Variants in PFKP observed in about 807,000 individuals in gnomAD.
The protein encoded by PFKP is ATP-dependent 6-phosphofructokinase, platelet type.
In PFKP, 101 loss-of-function variants were observed where a neutral mutation model predicts 94.3. The observed-to-expected ratio is 1.07, with a 90% CI of 0.91 to 1.26. The LOEUF (loss-of-function observed/expected upper bound fraction) is 1.26, where lower values mean the gene tolerates loss of function less well. Ranked by LOEUF, PFKP falls within the 50% of genes most tolerant of loss-of-function variation. The pLI is 0.00. For missense variants in PFKP, 1,145 were observed against 1,103.3 expected (o/e 1.04, Z -0.53); for synonymous variants, 573 against 432.6 (o/e 1.32, Z -4.03).
intron 4 of PFKP, among the ~76,000 whole-genome samples, chr10:3,101,990 G>A (rs561578159): frequency 7.3e-5 from 11 of 150,728 alleles, no homozygotes; most frequent in Non-Finnish European, 1.0e-4. Flanking sequence ...GGTGGCTCAC[G>A]CCTGTAATCC....
chr10:3,107,206 C>G lies in PFKP; in HGVS notation c.775-8C>G, dbSNP rs1835720277. The G allele has an allele frequency of 6.4e-7, 1 of 1,556,048 alleles. No homozygotes were observed. Among genetic ancestry groups the G allele is most frequent in the Non-Finnish European group, 8.9e-7 (1 of 1,128,500 alleles). On this transcript the variant is annotated splice_region_variant and splice_polypyrimidine_tract_variant and intron_variant, in intron 7 of 21. Coordinates refer to ENST00000381125, the MANE Select transcript of PFKP (RefSeq NM_002627.5). ...GAATTTGAGAGCTTTAATTTTCTGT[C>G]TCCACAGAACCGTGCCCGGAAAAAA...
chr10:3,093,854 A>G (rs185979978), intron 2 of PFKP, among the ~76,000 whole-genome samples: 23 of 152,238 alleles, frequency 1.5e-4, no homozygotes, highest in East Asian at 5.8e-4. Context: ...CGTGTTAGCC[A>G]GGATGGTCTC....
At position 3,105,146 on chromosome 10, in the gene PFKP, G is replaced by A; in HGVS notation, c.652G>A (p.Gly218Arg). The change falls in exon 6 of 22, where the codon GGA (glycine) becomes AGA (arginine). Residue 218 changes from glycine (G) to arginine (R), a missense_variant. By Grantham distance (125) the Gly-to-Arg change is moderately radical (BLOSUM62 -2). This residue lies in a region of PFKP where 1,119 missense variants were observed against 1,062.8 expected (regional missense o/e 1.05). Coordinates refer to ENST00000381125, the MANE Select transcript of PFKP (RefSeq NM_002627.5). ...HQRTFVLEVM[G>R]RHCGYLALVS... ...GAGGACCTTCGTTCTGGAGGTGATGGGACGACACTGTGGGTACGTACCTGC... is the reference window on the plus strand; with the variant it reads ...GAGGACCTTCGTTCTGGAGGTGATGAGACGACACTGTGGGTACGTACCTGC... The A allele has an allele frequency of 6.2e-7, 1 of 1,613,896 alleles. No homozygotes were observed. Among genetic ancestry groups the A allele is most frequent in the Non-Finnish European group, 8.5e-7 (1 of 1,179,932 alleles).
At chr10:3,088,661 G>C (rs1383916350) in intron 2 of PFKP, among the ~76,000 whole-genome samples, 1 of 151,964 alleles carries the variant, frequency 6.6e-6, no homozygotes, top group Non-Finnish European at 1.5e-5. Flanking sequence ...AATTATTATG[G>C]ATACATAATA....
At chr10:3,113,628 C>T in intron 13 of PFKP, 110 bp downstream of exon 13, 1 of 647,916 alleles carries the variant, frequency 1.5e-6, no homozygotes, top group Non-Finnish European at 2.4e-6. Context: ...ATGCCTCAGT[C>T]CGGGATCCTG....
chr10:3,130,784 T>G (rs1388409767), intron 17 of PFKP, among the ~76,000 whole-genome samples: 1 of 152,030 alleles, frequency 6.6e-6, no homozygotes, highest in East Asian at 1.9e-4. Context: ...GTCTCAAACT[T>G]CTGACCTCGT....
chr10:3,115,383 A>T (rs77979913), intron 13 of PFKP, among the ~76,000 whole-genome samples: 504 of 49,432 alleles, frequency 0.01, 154 homozygotes, highest in South Asian at 0.023. Flanking sequence ...CGCAGCTGAG[A>T]ACAGGACTGG....
At position 3,119,778 on chromosome 10, in the gene PFKP, C is replaced by T. The variant is rs557518213; in HGVS notation, c.1531-114C>T. On this transcript the variant is annotated intron_variant, in intron 15 of 21. Coordinates refer to ENST00000381125, the MANE Select transcript of PFKP (RefSeq NM_002627.5). The stretch of plus-strand genomic sequence containing the variant: ...TTGATCTCGGAGTGTTTTCGTGATG[C>T]CCCAGTGTGCTCCCTGCGTGCTGTG... The T allele has an allele frequency of 1.1e-4, 58 of 538,002 alleles. 1 individual carries two copies. In the African/African-American group the frequency reaches 1.3e-3, roughly 12 times the overall value. The allele number at this position is 538,002 out of a possible 1,614,324, so 33.3% of individuals were successfully genotyped here.
Position 3,134,547 on chromosome 10 carries a change from G to A in PFKP, c.2087G>A (p.Trp696Ter), listed in dbSNP as rs1204373593. The part of the protein sequence containing the change: ...GTKISARAME[W>*]ITAKLKEARG... ...AAAATCTCTGCCAGAGCTATGGAGT[G>A]GATCACTGCAAAACTCAAGGAGGCC... is the stretch of plus-strand genomic sequence containing the variant. Residue 696 changes from tryptophan (W) to a stop codon, truncating the protein, a stop_gained, in exon 20 of 22, where the codon TGG becomes TAG. Coordinates refer to ENST00000381125, the MANE Select transcript of PFKP (RefSeq NM_002627.5). LOFTEE classifies it high-confidence loss of function. The A allele has an allele frequency of 8.1e-6, 13 of 1,613,882 alleles. No homozygotes were observed. The highest frequency in any genetic ancestry group is 1.7e-5 in the Admixed American group (1 of 60,008).
chr10:3,128,368 C>G (rs1360961839), intron 16 of PFKP, among the ~76,000 whole-genome samples: 1 of 152,202 alleles, frequency 6.6e-6, no homozygotes, highest in African/African-American at 2.4e-5. Flanking sequence ...ACAGAGGGAA[C>G]TTTGTGGTCC....
chr10:3,130,365 C>T (rs1838439266), intron 17 of PFKP, among the ~76,000 whole-genome samples: 1 of 152,200 alleles, frequency 6.6e-6, no homozygotes, highest in Non-Finnish European at 1.5e-5. Context: ...GCCCCTGATG[C>T]TGCGTCTGCC....
chr10:3,069,127 C>A, intron 1 of PFKP: 1 of 619,294 alleles, frequency 1.6e-6, no homozygotes, highest in Non-Finnish European at 2.2e-6. Flanking sequence ...GCCCGCAGCG[C>A]AGCCTCCCCA....
chr10:3,108,852 A>C (rs777572951), intron 9 of PFKP, 59 bp downstream of exon 9: 77 of 1,215,122 alleles, frequency 6.3e-5, no homozygotes, highest in Non-Finnish European at 8.7e-5. Context: ...GTTTCTGGAG[A>C]GGCACAGGCA....
intron 16 of PFKP, among the ~76,000 whole-genome samples, chr10:3,126,974 A>C (rs1838021524): frequency 6.6e-6 from 1 of 152,230 alleles, no homozygotes; most frequent in African/African-American, 2.4e-5. Context: ...CAGCCCTGGG[A>C]CACAGCCCTC....
intron 17 of PFKP, among the ~76,000 whole-genome samples, chr10:3,130,900 A>T (rs71502284): frequency 0.24 from 36,372 of 151,842 alleles, 4,392 homozygotes; most frequent in East Asian, 0.3. Context: ...TTTCTGAGCC[A>T]AATAGATCAA....
At chr10:3,114,034 G>A (rs940686094) in intron 13 of PFKP, among the ~76,000 whole-genome samples, 2 of 37,916 alleles carry the variant, frequency 5.3e-5, no homozygotes, top group East Asian at 1.3e-3. Flanking sequence ...CAAGAAAACC[G>A]AGGCATAGGG....
chr10:3,112,838 G>A (rs1041592033), intron 11 of PFKP, among the ~76,000 whole-genome samples: 2 of 152,234 alleles, frequency 1.3e-5, no homozygotes, highest in Non-Finnish European at 2.9e-5. Flanking sequence ...AAAGTGCTGG[G>A]ATTACAGGCT....
intron 18 of PFKP, 141 bp downstream of exon 18, chr10:3,132,582 C>A: frequency 1.6e-6 from 1 of 632,346 alleles, no homozygotes; most frequent in Non-Finnish European, 2.9e-6. Flanking sequence ...GTGCAGAAGA[C>A]AGCTGTGGTG....
chr10:3,104,867 G>GC (rs1835382103), intron 5 of PFKP: 1 of 571,326 alleles, frequency 1.8e-6, no homozygotes, highest in East Asian at 3.0e-5. Flanking sequence ...TGTCCAACGT[G>GC]CAACTGGAGA....
Sources: gnomAD v4.1 joint callset for allele counts (sites outside exome capture counted in the v4.1 genomes callset) on GRCh38, gnomAD v4.1.1 for gene constraint, gnomAD v4.1.1 regional missense constraint, MANE v1.5 for transcripts, NCBI Gene and HGNC (gene_info 2026-07-23, HGNC 2026-07-21) for gene names.